SIN3A: variants seen among roughly 807,000 people sequenced by gnomAD.
SIN3A encodes SIN3 transcription regulator family member A.
Under a neutral mutation model 146.1 loss-of-function variants are expected in SIN3A, and 14 were observed. The ratio of observed to expected loss-of-function variants is 0.10; its 90% CI spans 0.06 to 0.15. The LOEUF (loss-of-function observed/expected upper bound fraction) is 0.15, where lower values mean the gene tolerates loss of function less well. Among genes scored for constraint, SIN3A ranks in the 10% least tolerant of loss-of-function variants. The pLI is 1.00. For missense variants in SIN3A, 1,028 were observed against 1,576.0 expected, an observed-to-expected ratio of 0.65 and a Z score of 5.89; for synonymous variants, 572 against 572.0, an observed-to-expected ratio of 1.00 and a Z score of 0.00.
chr15:75,372,498 G>A (rs959808346), intron 20 of SIN3A, among the ~76,000 whole-genome samples: 1 of 152,098 alleles, frequency 6.6e-6, no homozygotes, highest in African/African-American at 2.4e-5. Flanking sequence ...TTTAGCATGC[G>A]TTAGTATAAC....
chr15:75,402,952 T>C (rs1184961395), intron 9 of SIN3A, among the ~76,000 whole-genome samples: 2 of 152,064 alleles, frequency 1.3e-5, no homozygotes, highest in Non-Finnish European at 2.9e-5. Context: ...AAGGAGTCAT[T>C]TTTAAAAGAA....
chr15:75,423,750 T>TG (rs2141545206), intron 2 of SIN3A, among the ~76,000 whole-genome samples: 1 of 152,290 alleles, frequency 6.6e-6, no homozygotes, highest in South Asian at 2.1e-4. Context: ...ACCAGCACTT[T>TG]GGGAGGCCCA....
At chr15:75,422,434 G>A in intron 3 of SIN3A, 1 of 632,246 alleles carries the variant, frequency 1.6e-6, no homozygotes, top group Admixed American at 2.5e-5. Context: ...CATTCATACA[G>A]TCCACAAACA....
rs754902352 is a variant in SIN3A at position 75,380,708 on chromosome 15, C to T, written c.3304G>A (p.Val1102Met). 8.1e-6 allele frequency: 13 copies of T among 1,613,802 alleles called. No homozygotes were observed. Among genetic ancestry groups the T allele is most frequent in the Admixed American group, 5.0e-5 (3 of 59,992 alleles). The change falls in exon 19 of 21, where the codon GTG becomes ATG. Residue 1102 changes from valine to methionine, a missense_variant. Coordinates refer to ENST00000394947, the MANE Select transcript of SIN3A (RefSeq NM_001145358.2). The part of the protein sequence containing the change: ...PVEAERWSDY[V>M]ERYMNSDTTS... ...GTATCTGAATTCATGTATCGCTCCA[C>T]GTAGTCTGACCAGCGCTAAGATGGC...
In SIN3A at chr15:75,451,546, C is replaced by A. The variant is rs1409741673; in HGVS notation, c.-157G>T. ...CCGAAGCGGACTGCCAGCTACCTCT[C>A]CACTAACGAAGCGGTCACAGGCTCC... On this transcript the variant is annotated 5_prime_UTR_variant, in exon 1 of 21. Coordinates refer to ENST00000394947, the MANE Select transcript of SIN3A (RefSeq NM_001145358.2). The A allele has an allele frequency of 6.7e-6, 1 of 148,486 alleles. No homozygotes were observed. The highest frequency in any genetic ancestry group is 1.5e-5 in the Non-Finnish European group (1 of 67,004). 9.2% of individuals were successfully genotyped at this position (148,486 alleles called of 1,614,324 possible).
rs2141355645 is a variant in SIN3A at position 75,371,669 on chromosome 15, CTT to C, written c.*308_*309del. ...AAGTTAGGCCACAGGAGACTCCAGT[CTT>C]AGCTCTGCTGGTGTGTGCAAGCAAA... On this transcript the variant is annotated 3_prime_UTR_variant, in exon 21 of 21. Coordinates refer to ENST00000394947, the MANE Select transcript of SIN3A (RefSeq NM_001145358.2). 1 of 331,658 alleles carries C rather than the reference CTT, an allele frequency of 3.0e-6. No homozygotes were observed. The highest frequency in any genetic ancestry group is 5.5e-5 in the East Asian group (1 of 18,038). 20.5% of individuals were successfully genotyped at this position (331,658 alleles called of 1,614,324 possible).
chr15:75,394,571 C>T, intron 14 of SIN3A, 109 bp downstream of exon 14: 1 of 780,214 alleles, frequency 1.3e-6, no homozygotes, highest in Non-Finnish European at 2.0e-6. Flanking sequence ...CAAGAATCAA[C>T]AGGTCTTAGA....
At chr15:75,432,818 G>A (rs868368196) in intron 1 of SIN3A, among the ~76,000 whole-genome samples, 1 of 151,278 alleles carries the variant, frequency 6.6e-6, no homozygotes, top group Non-Finnish European at 1.5e-5. Flanking sequence ...CGAGGTGGGT[G>A]GATCACCTGA....
chr15:75,441,046 G>A (rs964371587), intron 1 of SIN3A, among the ~76,000 whole-genome samples: 6 of 150,726 alleles, frequency 4.0e-5, no homozygotes, highest in South Asian at 2.1e-4. Flanking sequence ...AGTGGCTCAC[G>A]CCTGTAATCT....
intron 1 of SIN3A, among the ~76,000 whole-genome samples, chr15:75,438,808 G>A (rs1407069752): frequency 6.6e-6 from 1 of 152,116 alleles, no homozygotes; most frequent in Non-Finnish European, 1.5e-5. Context: ...TTGAAACAAT[G>A]GAAAGTTTCT....
At chr15:75,422,938 GC>G (rs1379861807) in intron 2 of SIN3A, 115 bp from the exon 3 acceptor site, 16 of 1,088,230 alleles carry the variant, frequency 1.5e-5, no homozygotes, top group Non-Finnish European at 2.1e-5. Context: ...CCAAATTTCT[GC>G]TGGGCGTGAT....
intron 1 of SIN3A, among the ~76,000 whole-genome samples, chr15:75,433,380 T>G (rs1482911390): frequency 6.6e-6 from 1 of 152,164 alleles, no homozygotes; most frequent in Admixed American, 6.5e-5. Flanking sequence ...ATTACAGTAC[T>G]ATGGTTTATT....
intron 20 of SIN3A, among the ~76,000 whole-genome samples, chr15:75,375,368 G>A (rs2072835776): frequency 6.6e-6 from 1 of 152,154 alleles, no homozygotes; most frequent in African/African-American, 2.4e-5. Flanking sequence ...TGCCAGCAAA[G>A]AACCAGAAGC....
At chr15:75,399,010 C>G (rs1318222373) in intron 12 of SIN3A, among the ~76,000 whole-genome samples, 1 of 148,028 alleles carries the variant, frequency 6.8e-6, no homozygotes, top group East Asian at 2.0e-4. Context: ...ACGTTCTGCA[C>G]ATGTATCCCA....
chr15:75,378,953 T>G (rs2072915430), intron 19 of SIN3A, among the ~76,000 whole-genome samples: 1 of 151,450 alleles, frequency 6.6e-6, no homozygotes, highest in Non-Finnish European at 1.5e-5. Flanking sequence ...CAGGCTGGAG[T>G]GCCGTGGTGC....
At chr15:75,387,028 A>G (rs1008111759) in intron 16 of SIN3A, among the ~76,000 whole-genome samples, 13 of 152,120 alleles carry the variant, frequency 8.5e-5, no homozygotes, top group African/African-American at 3.1e-4. Flanking sequence ...GCTGGTCTCC[A>G]ACTCCTGGAC....
At chr15:75,404,577 T>C (rs1267230886) in intron 9 of SIN3A, among the ~76,000 whole-genome samples, 2 of 151,620 alleles carry the variant, frequency 1.3e-5, no homozygotes, top group African/African-American at 4.8e-5. Flanking sequence ...CTGGCCAACA[T>C]AGTGAAACCC....
intron 19 of SIN3A, among the ~76,000 whole-genome samples, chr15:75,376,694 CAAA>C (rs34480581): frequency 7.1e-6 from 1 of 141,754 alleles, no homozygotes; most frequent in Non-Finnish European, 1.6e-5. Context: ...CCCTTCTCTA[CAAA>C]AAAAAAAAAA....
intron 16 of SIN3A, 62 bp downstream of exon 16, chr15:75,389,590 G>T: frequency 6.5e-7 from 1 of 1,539,038 alleles, no homozygotes. Flanking sequence ...TTTTCCTTGC[G>T]TGGCCCATCT....
Sources: gnomAD v4.1 joint callset for allele counts (sites outside exome capture counted in the v4.1 genomes callset) on GRCh38, gnomAD v4.1.1 for gene constraint, MANE v1.5 for transcripts, NCBI Gene and HGNC (gene_info 2026-07-23, HGNC 2026-07-21) for gene names.